Variants in CNTN3 observed in about 807,000 individuals in gnomAD.
The protein encoded by CNTN3 is contactin 3.
Under a neutral mutation model 119.1 loss-of-function variants are expected in CNTN3, and 60 were observed. The ratio of observed to expected loss-of-function variants is 0.50; its 90% CI spans 0.41 to 0.62. CNTN3 has a LOEUF of 0.62. CNTN3 is among the 20% of genes least tolerant of loss of function. The pLI is 0.00. For synonymous variants in CNTN3, 450 were observed against 438.7 expected, an observed-to-expected ratio of 1.03 and a Z score of -0.32; for missense variants, 1,101 against 1,242.4, an observed-to-expected ratio of 0.89 and a Z score of 1.71.
At position 74,545,223 on chromosome 3, in the gene CNTN3, T is replaced by C. The variant is rs373506502; in HGVS notation, c.-80-24031A>G. 1.1e-4 allele frequency among the ~76,000 whole-genome samples: 16 copies of C among 152,326 alleles called. No individual in the cohort carries two copies. In the East Asian group the frequency reaches 1.9e-3, roughly 18 times the overall value. On this transcript the variant is annotated intron_variant, in intron 1 of 22. Transcript: ENST00000263665. The stretch of plus-strand genomic sequence containing the variant: ...CTCCAAACTAAAATTAGGATGTCTA[T>C]TATTTGTTTTTAAAATTTCTAAATA...
At chr3:74,582,515 GC>G (rs1704528883) in intron 1 of CNTN3, among the ~76,000 whole-genome samples, 1 of 151,950 alleles carries the variant, frequency 6.6e-6, no homozygotes. Context: ...AAGATTAAAA[GC>G]CCCATAAAAA....
intron 11 of CNTN3, among the ~76,000 whole-genome samples, chr3:74,349,716 T>C (rs1435154149): frequency 6.6e-6 from 1 of 152,230 alleles, no homozygotes; most frequent in Non-Finnish European, 1.5e-5. Flanking sequence ...ATTGCGTTAA[T>C]ATTTTTTTCT....
chr3:74,366,799 T>TATATATATATATTTATATATATAA (rs1344265725), intron 8 of CNTN3, among the ~76,000 whole-genome samples: 1 of 134,110 alleles, frequency 7.5e-6, no homozygotes, highest in African/African-American at 2.8e-5. Context: ...TATATATATA[T>TATATATATATATTTATATATATAA]ATATATATAA....
intron 20 of CNTN3, among the ~76,000 whole-genome samples, chr3:74,282,380 T>C (rs1282358603): frequency 6.6e-6 from 1 of 152,166 alleles, no homozygotes; most frequent in Non-Finnish European, 1.5e-5. Context: ...AACTGTAGCA[T>C]GTTTTGAATT....
chr3:74,411,078 CCTTT>C (rs926271842), intron 5 of CNTN3, among the ~76,000 whole-genome samples: 1 of 152,126 alleles, frequency 6.6e-6, no homozygotes, highest in Admixed American at 6.6e-5. Context: ...TCCATCCATC[CCTTT>C]CTTTCTTTTG....
intron 5 of CNTN3, among the ~76,000 whole-genome samples, chr3:74,392,494 T>C (rs1377082141): frequency 2.0e-5 from 3 of 152,156 alleles, no homozygotes; most frequent in African/African-American, 7.2e-5. Context: ...CATAAAAGAA[T>C]ATTTATAAAA....
chr3:74,412,107 T>C (rs1701447700), intron 5 of CNTN3, among the ~76,000 whole-genome samples: 1 of 152,222 alleles, frequency 6.6e-6, no homozygotes, highest in Non-Finnish European at 1.5e-5. Context: ...GAACATGATG[T>C]GTCCTCACTG....
chr3:74,298,135 G>T lies in CNTN3; in HGVS notation c.2223C>A (p.Arg741=). Residue 741 remains arginine, a synonymous_variant, in exon 18 of 23, where the codon CGC becomes CGA. Transcript: ENST00000263665. The part of the protein sequence containing the change: ...GEGFGYVVAF[R]PLGVTTWIQT... ...GGATCCAGGTGGTAACCCCAAGAGGGCGGAAAGCAACAACATACCCAAAAC... is the reference window on the plus strand; with the variant it reads ...GGATCCAGGTGGTAACCCCAAGAGGTCGGAAAGCAACAACATACCCAAAAC... 4 of 1,611,628 alleles carry T rather than the reference G, an allele frequency of 2.5e-6. No homozygotes were observed. The South Asian group carries it at 3.3e-5, about 13-fold the overall frequency.
intron 1 of CNTN3, among the ~76,000 whole-genome samples, chr3:74,535,456 A>T (rs1703750773): frequency 6.6e-6 from 1 of 152,118 alleles, no homozygotes; most frequent in Non-Finnish European, 1.5e-5. Flanking sequence ...TCACGATGAT[A>T]GCATAAAACA....
At position 74,551,584 on chromosome 3, in the gene CNTN3, G is replaced by A. The variant is rs771774915; in HGVS notation, c.-80-30392C>T. On this transcript the variant is annotated intron_variant, in intron 1 of 22. Coordinates refer to ENST00000263665, the MANE Select transcript of CNTN3 (RefSeq NM_020872.3). ...ACCATTACAGTAACATGCAGGAATC[G>A]TTTCACTGCCCTAAAAATCATCAGC... is the stretch of plus-strand genomic sequence containing the variant. Among the ~76,000 whole-genome samples, 8 of 151,654 alleles carry A rather than the reference G, an allele frequency of 5.3e-5. No homozygotes were observed. The South Asian group carries it at 1.0e-3, about 20-fold the overall frequency.
At chr3:74,454,322 T>C (rs1370239041) in intron 4 of CNTN3, among the ~76,000 whole-genome samples, 5 of 140,086 alleles carry the variant, frequency 3.6e-5, no homozygotes, top group Non-Finnish European at 6.2e-5. Context: ...TATCAGAGAC[T>C]AGGATTGCAA....
intron 4 of CNTN3, among the ~76,000 whole-genome samples, chr3:74,457,330 G>A (rs917162959): frequency 3.3e-5 from 5 of 151,962 alleles, no homozygotes; most frequent in Admixed American, 1.3e-4. Flanking sequence ...TAGAGGTCAT[G>A]TATGCATAGG....
intron 4 of CNTN3, among the ~76,000 whole-genome samples, chr3:74,449,759 A>G (rs147307754): frequency 3.3e-5 from 5 of 152,264 alleles, no homozygotes; most frequent in Non-Finnish European, 7.4e-5. Context: ...CTTGGCATTA[A>G]TTGGTTTTCT....
chr3:74,447,036 G>C (rs1042693160), intron 4 of CNTN3, among the ~76,000 whole-genome samples: 16 of 152,280 alleles, frequency 1.1e-4, no homozygotes, highest in Admixed American at 5.2e-4. Flanking sequence ...GTATTCATCA[G>C]TCTCCTAGCA....
In CNTN3 at chr3:74,266,474, A is replaced by T. The variant is rs1468947339; in HGVS notation, c.2986+7T>A. 9 of 1,611,816 alleles carry T rather than the reference A, an allele frequency of 5.6e-6. No homozygotes were observed. Among genetic ancestry groups the T allele is most frequent in the Non-Finnish European group, 6.8e-6 (8 of 1,178,416 alleles). On this transcript the variant is annotated splice_region_variant and intron_variant, in intron 22 of 22. Transcript: ENST00000263665. Reference sequence around the variant, plus strand: ...AATAAAGTAAATAATGGCTTCAACCAACTTACTGGTTATTCGTGGAATCCT... The same window carrying T: ...AATAAAGTAAATAATGGCTTCAACCTACTTACTGGTTATTCGTGGAATCCT...
chr3:74,545,488 T>A (rs562963363), intron 1 of CNTN3, among the ~76,000 whole-genome samples: 16 of 152,340 alleles, frequency 1.1e-4, no homozygotes, highest in Non-Finnish European at 1.8e-4. Flanking sequence ...GTCTGAAGTG[T>A]TGTAAAACCC....
At chr3:74,280,675 T>C (rs1220318818) in intron 20 of CNTN3, among the ~76,000 whole-genome samples, 2 of 152,154 alleles carry the variant, frequency 1.3e-5, no homozygotes, top group African/African-American at 2.4e-5. Context: ...CAAATACTTA[T>C]TGGGCACTGA....
chr3:74,483,154 C>T (rs1385877594), intron 4 of CNTN3, among the ~76,000 whole-genome samples: 2 of 151,870 alleles, frequency 1.3e-5, no homozygotes, highest in Admixed American at 1.3e-4. Context: ...AGCAACACAG[C>T]TAAGCAATCA....
At chr3:74,418,423 C>A (rs543851662) in intron 5 of CNTN3, among the ~76,000 whole-genome samples, 1 of 145,372 alleles carries the variant, frequency 6.9e-6, no homozygotes, top group East Asian at 2.1e-4. Context: ...CTCACTGCAA[C>A]CTCTGCCTCC....
Sources: allele counts gnomAD v4.1 joint callset (sites outside exome capture counted in the v4.1 genomes callset), GRCh38; gene constraint gnomAD v4.1.1; transcripts MANE v1.5; gene names NCBI Gene and HGNC (gene_info 2026-07-23, HGNC 2026-07-21).